DYNLT1: variants seen among roughly 807,000 people sequenced by gnomAD.
DYNLT1 encodes the protein T-complex testis-specific protein 1 homolog.
In DYNLT1, 18 loss-of-function variants were observed where a neutral mutation model predicts 19.6. That is an observed-to-expected ratio of 0.92 (90% CI 0.64 to 1.36). The LOEUF (loss-of-function observed/expected upper bound fraction) is 1.36. Ranked by LOEUF, DYNLT1 falls within the 40% of genes most tolerant of loss-of-function variation. The probability of loss-of-function intolerance (pLI) is 0.00; values close to 1 mark genes in which losing one functional copy is unlikely to be tolerated. For missense variants in DYNLT1, 137 were observed against 139.3 expected, an observed-to-expected ratio of 0.98 and a Z score of 0.08; for synonymous variants, 56 against 44.0, an observed-to-expected ratio of 1.27 and a Z score of -1.07.
chr6:158,636,906 G>C lies in DYNLT1; in HGVS notation c.272-9C>G. The C allele has an allele frequency of 6.2e-7, 1 of 1,613,282 alleles. No individual in the cohort carries two copies. Among genetic ancestry groups the C allele is most frequent in the Non-Finnish European group, 8.5e-7 (1 of 1,179,588 alleles). On this transcript the variant is annotated splice_polypyrimidine_tract_variant and intron_variant, in intron 4 of 4. Transcript: ENST00000367089. ...TCGCACAGTGCAGCTCCCTGCGGGA[G>C]GGAAGAGAGCAGCATTTACGGCAGG...
Position 158,644,729 on chromosome 6 carries a change from T to G in DYNLT1, c.-21A>C, listed in dbSNP as rs1377194767. The G allele has an allele frequency of 1.9e-6, 3 of 1,609,230 alleles. No individual in the cohort carries two copies. The highest frequency in any genetic ancestry group is 2.7e-5 in the African/African-American group (2 of 74,882). On this transcript the variant is annotated 5_prime_UTR_variant, in exon 1 of 5. Transcript: ENST00000367089. The stretch of plus-strand genomic sequence containing the variant: ...TCCATCTTTCCTCCGGCGCGTCCCC[T>G]CCGGCTCCCTGAGTGGCGCGGACTG...
intron 1 of DYNLT1, 46 bp downstream of exon 1, chr6:158,644,636 C>A: frequency 6.2e-7 from 1 of 1,609,232 alleles, no homozygotes; most frequent in South Asian, 1.1e-5. Context: ...CCTTCCGCGG[C>A]CAGGGCTCTA....
intron 3 of DYNLT1, 187 bp downstream of exon 3, chr6:158,637,584 C>T (rs1358735002): frequency 7.2e-6 from 6 of 828,776 alleles, no homozygotes; most frequent in African/African-American, 3.4e-5. Flanking sequence ...GCTTCACATA[C>T]GATCTGCAAT....
intron 2 of DYNLT1, among the ~76,000 whole-genome samples, chr6:158,640,842 G>A (rs1787120957): frequency 6.6e-6 from 1 of 152,144 alleles, no homozygotes; most frequent in Admixed American, 6.6e-5. Flanking sequence ...TGTACTTTCT[G>A]AATGAGTAAC....
chr6:158,636,920 A>AT, intron 4 of DYNLT1, 23 bp from the exon 5 acceptor site: 1 of 1,612,542 alleles, frequency 6.2e-7, no homozygotes, highest in Non-Finnish European at 8.5e-7. Flanking sequence ...AGAGAGCAGC[A>AT]TTTACGGCAG....
chr6:158,641,417 T>C (rs1295659123), intron 1 of DYNLT1, 57 bp from the exon 2 acceptor site: 21 of 1,443,820 alleles, frequency 1.5e-5, no homozygotes, highest in South Asian at 5.0e-5. Context: ...TTCCACTACA[T>C]TGATAAATGC....
At chr6:158,637,523 C>T (rs1272717081) in intron 3 of DYNLT1, 2 of 645,088 alleles carry the variant, frequency 3.1e-6, no homozygotes, top group East Asian at 2.9e-5. Context: ...CACACTTCCT[C>T]TATGCTTCAC....
In DYNLT1 at chr6:158,636,728, A is replaced by G. The variant is rs1037041447; in HGVS notation, c.*99T>C. ...TTCCTCTACATTGTGAAAGTGCCACAAAACAAAGAGAATGAGAAAAGAGTT... is the reference window on the plus strand; with the variant it reads ...TTCCTCTACATTGTGAAAGTGCCACGAAACAAAGAGAATGAGAAAAGAGTT... On this transcript the variant is annotated 3_prime_UTR_variant, in exon 5 of 5. Transcript: ENST00000367089. 1.2e-4 allele frequency: 167 copies of G among 1,391,278 alleles called. No homozygotes were observed. Among genetic ancestry groups the G allele is most frequent in the Non-Finnish European group, 1.6e-4 (164 of 1,017,620 alleles). The allele number at this position is 1,391,278 out of a possible 1,614,324, so 86.2% of individuals were successfully genotyped here.
chr6:158,644,530 G>C (rs1017689871), intron 1 of DYNLT1, 152 bp downstream of exon 1: 2 of 866,952 alleles, frequency 2.3e-6, no homozygotes, highest in Non-Finnish European at 3.4e-6. Flanking sequence ...GGGCCGGGCG[G>C]AGCGCCGGCG....
intron 1 of DYNLT1, chr6:158,642,770 TATGGTTACA>T (rs1344862301): frequency 6.6e-6 from 1 of 152,144 alleles, no homozygotes; most frequent in Non-Finnish European, 1.5e-5. Flanking sequence ...TCACCTCCCA[TATGGTTACA>T]GTACGAAAAA....
At chr6:158,642,398 TA>T (rs1787154843) in intron 1 of DYNLT1, 1 of 152,260 alleles carries the variant, frequency 6.6e-6, no homozygotes, top group South Asian at 2.1e-4. Context: ...CGTTTAAAGT[TA>T]CTGCTGAGTC....
intron 1 of DYNLT1, 94 bp downstream of exon 1, chr6:158,644,588 A>AGGTGGGCAGCCAGGCCTT: frequency 4.1e-6 from 6 of 1,464,414 alleles, no homozygotes; most frequent in Admixed American, 1.8e-5. Context: ...TAGCTGAAGG[A>AGGTGGGCAGCCAGGCCTT]GGTGGGCAGC....
intron 2 of DYNLT1, among the ~76,000 whole-genome samples, chr6:158,638,874 G>A (rs1787078806): frequency 6.6e-6 from 1 of 152,166 alleles, no homozygotes; most frequent in South Asian, 2.1e-4. Flanking sequence ...TATTGCCATT[G>A]TATGATTTTC....
At chr6:158,637,593 A>G (rs1197309107) in intron 3 of DYNLT1, 178 bp downstream of exon 3, 4 of 911,848 alleles carry the variant, frequency 4.4e-6, no homozygotes, top group African/African-American at 1.7e-5. Context: ...ACGATCTGCA[A>G]TTGTACCAGC....
intron 1 of DYNLT1, among the ~76,000 whole-genome samples, chr6:158,644,291 A>AGGCTGG (rs750748520): frequency 4.8e-4 from 73 of 151,738 alleles, no homozygotes; most frequent in South Asian, 2.5e-3. Context: ...GCCCCGCTCC[A>AGGCTGG]GGCTGGGGCT....
chr6:158,638,732 C>T (rs1220619309), intron 2 of DYNLT1, among the ~76,000 whole-genome samples: 1 of 152,230 alleles, frequency 6.6e-6, no homozygotes, highest in South Asian at 2.1e-4. Context: ...GGATTACAGG[C>T]ATAAGCCACA....
At chr6:158,644,072 T>C (rs1787251350) in intron 1 of DYNLT1, among the ~76,000 whole-genome samples, 1 of 151,084 alleles carries the variant, frequency 6.6e-6, no homozygotes, top group South Asian at 2.1e-4. Flanking sequence ...GATGATTTTT[T>C]CCCCACAACA....
chr6:158,636,998 C>A, intron 4 of DYNLT1, 101 bp from the exon 5 acceptor site: 1 of 1,543,656 alleles, frequency 6.5e-7, no homozygotes, highest in Admixed American at 1.8e-5. Context: ...CTATGCTACA[C>A]AAAGAACCTT....
At chr6:158,640,263 G>C (rs143139017) in intron 2 of DYNLT1, among the ~76,000 whole-genome samples, 68 of 152,280 alleles carry the variant, frequency 4.5e-4, no homozygotes, top group African/African-American at 1.5e-3. Flanking sequence ...TTTGCCTTTG[G>C]ATACTGATCA....
Sources: gnomAD v4.1 joint callset for allele counts (sites outside exome capture counted in the v4.1 genomes callset) on GRCh38, gnomAD v4.1.1 for gene constraint, MANE v1.5 for transcripts, NCBI Gene and HGNC (gene_info 2026-07-23, HGNC 2026-07-21) for gene names.